Variants in LPP observed in about 807,000 individuals in gnomAD.
LPP encodes the protein lipoma-preferred partner.
Under a neutral mutation model 60.4 loss-of-function variants are expected in LPP, and 38 were observed. The ratio of observed to expected loss-of-function variants is 0.63; its 90% CI spans 0.49 to 0.83. The LOEUF is 0.83. Ranked by LOEUF, LPP falls within the 40% of genes least tolerant of loss-of-function variation. LPP has a pLI of 0.00. For synonymous variants in LPP, 328 were observed against 290.8 expected, an observed-to-expected ratio of 1.13 and a Z score of -1.30; for missense variants, 902 against 783.6, an observed-to-expected ratio of 1.15 and a Z score of -1.80.
intron 7 of LPP, among the ~76,000 whole-genome samples, chr3:188,684,206 G>A (rs1314123247): frequency 2.0e-5 from 3 of 152,190 alleles, no homozygotes; most frequent in Non-Finnish European, 4.4e-5. Context: ...TTTGAAATCA[G>A]CCTCTCAAGT....
intron 7 of LPP, among the ~76,000 whole-genome samples, chr3:188,674,429 C>T (rs1231234050): frequency 2.6e-5 from 4 of 152,126 alleles, no homozygotes; most frequent in Admixed American, 1.3e-4. Context: ...CTTCTCCAAT[C>T]TGCCTTGGGT....
At chr3:188,322,602 A>G (rs1474204305) in intron 2 of LPP, among the ~76,000 whole-genome samples, 1 of 152,200 alleles carries the variant, frequency 6.6e-6, no homozygotes, top group African/African-American at 2.4e-5. Flanking sequence ...GTTTTAAGTA[A>G]TATTTGCAAT....
chr3:188,472,454 T>C (rs1390603621), intron 4 of LPP: 2 of 152,222 alleles, frequency 1.3e-5, no homozygotes, highest in African/African-American at 2.4e-5. Flanking sequence ...TGATTATTTT[T>C]AAAGCATTCA....
chr3:188,243,320 C>T (rs759506983), intron 2 of LPP, among the ~76,000 whole-genome samples: 13 of 152,114 alleles, frequency 8.5e-5, no homozygotes, highest in Non-Finnish European at 1.6e-4. Flanking sequence ...TTTTAGTTTC[C>T]CATGACTCAT....
chr3:188,299,843 A>G (rs1318587193), intron 2 of LPP, among the ~76,000 whole-genome samples: 3 of 152,228 alleles, frequency 2.0e-5, no homozygotes, highest in East Asian at 3.9e-4. Flanking sequence ...TGCCTGTGTC[A>G]CATTTCGAGT....
intron 1 of LPP, among the ~76,000 whole-genome samples, chr3:188,203,529 A>G (rs1293470847): frequency 1.1e-5 from 1 of 89,422 alleles, no homozygotes; most frequent in East Asian, 2.9e-4. Flanking sequence ...ATATATAAAT[A>G]TATATTTAAA....
chr3:188,468,906 A>G (rs967031980), intron 4 of LPP, among the ~76,000 whole-genome samples: 1 of 152,130 alleles, frequency 6.6e-6, no homozygotes, highest in Non-Finnish European at 1.5e-5. Flanking sequence ...ACTCAGCTAA[A>G]TTATGTCTTT....
At chr3:188,633,524 A>C (rs6807634) in intron 7 of LPP, among the ~76,000 whole-genome samples, 148,568 of 152,266 alleles carry the variant, frequency 0.98, 72,574 homozygotes, top group East Asian at 1. Context: ...ACTATACAAA[A>C]CCTGGTCCTC....
chr3:188,729,094 A>C (rs978421275), intron 8 of LPP, among the ~76,000 whole-genome samples: 1 of 152,236 alleles, frequency 6.6e-6, no homozygotes, highest in African/African-American at 2.4e-5. Context: ...TGATGTCTTC[A>C]TGAAGGAATA....
rs985850305 is a variant in LPP, at chr3:188,650,204, G to A, written c.1113+40360G>A. 2.0e-5 allele frequency among the ~76,000 whole-genome samples: 3 copies of A among 152,124 alleles called. No homozygotes were observed. In the East Asian group the frequency reaches 5.8e-4, roughly 29 times the overall value. ...CACTAATACCTATTTTAATTATGGAGACAAAAACAGCTAAGAAAATGTTAT... is the reference window on the plus strand; with the variant it reads ...CACTAATACCTATTTTAATTATGGAAACAAAAACAGCTAAGAAAATGTTAT... On this transcript the variant is annotated intron_variant, in intron 7 of 11. Transcript: ENST00000617246.
chr3:188,514,886 G>A (rs545216983), intron 5 of LPP, among the ~76,000 whole-genome samples: 2 of 152,262 alleles, frequency 1.3e-5, no homozygotes, highest in South Asian at 2.1e-4. Context: ...GTTCTGAAAT[G>A]GAGTCGCATG....
chr3:188,348,473 A>G lies in LPP; in HGVS notation c.-10+6754A>G, dbSNP rs142430162. 2.0e-3 allele frequency among the ~76,000 whole-genome samples: 303 copies of G among 152,320 alleles called. 1 individual carries two copies. Among genetic ancestry groups the G allele is most frequent in the Admixed American group, 1.0e-2 (153 of 15,304 alleles). On this transcript the variant is annotated intron_variant, in intron 3 of 11. Coordinates refer to ENST00000617246, the MANE Select transcript of LPP (RefSeq NM_001375462.1). ...GAAACCATACCCTTTTAACAGGACTATACCAGTGTACTGTTCAATATACAG... is the reference window on the plus strand; with the variant it reads ...GAAACCATACCCTTTTAACAGGACTGTACCAGTGTACTGTTCAATATACAG...
intron 3 of LPP, among the ~76,000 whole-genome samples, chr3:188,371,641 A>ATATTTTTTTT (rs1553878071): frequency 1.2e-4 from 4 of 32,172 alleles, no homozygotes; most frequent in Admixed American, 6.4e-4. Flanking sequence ...ATATATATAT[A>ATATTTTTTTT]TTTTTTTTTT....
At chr3:188,497,554 G>C (rs1360767350) in intron 5 of LPP, among the ~76,000 whole-genome samples, 1 of 152,174 alleles carries the variant, frequency 6.6e-6, no homozygotes, top group African/African-American at 2.4e-5. Flanking sequence ...CCTGAATAGA[G>C]ATTTAGTGAT....
intron 3 of LPP, among the ~76,000 whole-genome samples, chr3:188,368,933 A>G (rs1344368549): frequency 5.9e-5 from 9 of 152,260 alleles, no homozygotes; most frequent in Admixed American, 4.6e-4. Flanking sequence ...CACCCGCCAC[A>G]TTTTATCTCT....
At chr3:188,550,824 G>C (rs4263285) in intron 6 of LPP, among the ~76,000 whole-genome samples, 68,099 of 151,836 alleles carry the variant, frequency 0.45, 16,364 homozygotes, top group East Asian at 0.92. Flanking sequence ...AATGGTATCT[G>C]TGCTGCCTAA....
intron 1 of LPP, among the ~76,000 whole-genome samples, chr3:188,186,542 TGCTGTTG>T (rs1275396766): frequency 1.3e-5 from 2 of 152,214 alleles, no homozygotes; most frequent in Non-Finnish European, 2.9e-5. Context: ...CTCTTGGTCC[TGCTGTTG>T]GCAGTTAATC....
At chr3:188,779,456 T>C (rs1226126249) in intron 9 of LPP, among the ~76,000 whole-genome samples, 1 of 152,122 alleles carries the variant, frequency 6.6e-6, no homozygotes, top group Admixed American at 6.5e-5. Flanking sequence ...ACATGTGCCG[T>C]TTGGTTCCCT....
rs192398152 is a variant in LPP, at chr3:188,476,903, G to A, written c.194-7689G>A. 1.1e-3 allele frequency among the ~76,000 whole-genome samples: 169 copies of A among 152,294 alleles called. 2 individuals carry two copies. Among genetic ancestry groups the A allele is most frequent in the Non-Finnish European group, 9.4e-4 (64 of 68,016 alleles). Reference sequence around the variant, plus strand: ...CTATTTTGATGACAATGAGGACAGAGAACATGGAATGGCCAAGCCTTGCCC... The same window carrying A: ...CTATTTTGATGACAATGAGGACAGAAAACATGGAATGGCCAAGCCTTGCCC... On this transcript the variant is annotated intron_variant, in intron 4 of 11. Transcript: ENST00000617246.
Sources: allele counts gnomAD v4.1 joint callset (sites outside exome capture counted in the v4.1 genomes callset), GRCh38; gene constraint gnomAD v4.1.1; transcripts MANE v1.5; gene names NCBI Gene and HGNC (gene_info 2026-07-23, HGNC 2026-07-21).